Variants in EXOC6B observed in about 807,000 individuals in gnomAD.
EXOC6B encodes the protein SEC15 homolog B.
In EXOC6B, 54 loss-of-function variants were observed where a neutral mutation model predicts 113.5. The observed-to-expected ratio is 0.48, with a 90% CI of 0.38 to 0.60. The LOEUF is 0.60. EXOC6B is among the 20% of genes least tolerant of loss of function. EXOC6B has a pLI of 0.00. For missense variants in EXOC6B, 797 were observed against 977.5 expected (o/e 0.82, Z 2.46); for synonymous variants, 357 against 339.0 (o/e 1.05, Z -0.58).
At chr2:72,551,546 C>A (rs1231747968) in intron 8 of EXOC6B, among the ~76,000 whole-genome samples, 1 of 149,628 alleles carries the variant, frequency 6.7e-6, no homozygotes. Flanking sequence ...GCTCTGTCCC[C>A]CAGGCTGGAG....
chr2:72,450,588 T>C (rs1297079849), intron 18 of EXOC6B, among the ~76,000 whole-genome samples: 2 of 152,244 alleles, frequency 1.3e-5, no homozygotes, highest in Non-Finnish European at 2.9e-5. Flanking sequence ...TAGGTAGTGA[T>C]GTTTTTTAAT....
At chr2:72,360,432 A>G (rs1469314942) in intron 19 of EXOC6B, among the ~76,000 whole-genome samples, 1 of 152,166 alleles carries the variant, frequency 6.6e-6, no homozygotes, top group African/African-American at 2.4e-5. Context: ...CCCAGGATGG[A>G]AAGCCAACAG....
At chr2:72,701,851 C>T (rs1019323185) in intron 6 of EXOC6B, among the ~76,000 whole-genome samples, 1 of 151,972 alleles carries the variant, frequency 6.6e-6, no homozygotes, top group African/African-American at 2.4e-5. Context: ...GAATGTTCTA[C>T]TTCCCTTCCA....
intron 20 of EXOC6B, among the ~76,000 whole-genome samples, chr2:72,197,327 C>A (rs1306829129): frequency 6.6e-6 from 1 of 152,148 alleles, no homozygotes; most frequent in Non-Finnish European, 1.5e-5. Context: ...CCATGACAAT[C>A]TGACTCCCAA....
chr2:72,526,634 C>G (rs1369846006), intron 8 of EXOC6B, among the ~76,000 whole-genome samples: 1 of 151,804 alleles, frequency 6.6e-6, no homozygotes. Context: ...AGAAACTGTA[C>G]AGAAACTGAC....
Position 72,825,083 on chromosome 2 carries a change from T to G in EXOC6B, c.113+715A>C, listed in dbSNP as rs1438642810. On this transcript the variant is annotated intron_variant, in intron 1 of 21. Transcript: ENST00000272427. This position sits in a 1 kb window ranked among gnomAD's most constrained non-coding sequence, Gnocchi z 4.4. ...TTATGTAACAAGTGCTACCTAAATT[T>G]GTTAAATAAGTTGAGGTAAGTAGGG... Among the ~76,000 whole-genome samples, 2 of 152,180 alleles carry G rather than the reference T, an allele frequency of 1.3e-5. No individual in the cohort carries two copies. Among genetic ancestry groups the G allele is most frequent in the Non-Finnish European group, 2.9e-5 (2 of 68,036 alleles).
At position 72,346,335 on chromosome 2, in the gene EXOC6B, T is replaced by C. The variant is rs373195139; in HGVS notation, c.2123-11315A>G. Among the ~76,000 whole-genome samples, 22 of 152,286 alleles carry C rather than the reference T, an allele frequency of 1.4e-4. 2 individuals are homozygous for C. Among genetic ancestry groups the C allele is most frequent in the African/African-American group, 4.6e-4 (19 of 41,590 alleles). On this transcript the variant is annotated intron_variant, in intron 19 of 21. Coordinates refer to ENST00000272427, the MANE Select transcript of EXOC6B (RefSeq NM_015189.3). ...AGGCAGATCAATCTCCATCTGGCTG[T>C]ACCATGTGCATTGAGAAGAAATGAG...
In EXOC6B at chr2:72,751,461, T is replaced by A. The variant is rs962769870; in HGVS notation, c.114-9992A>T. ...CAGATGAAGCCGCCAAGTAGCAGGCTGCAGAGAGAATAGACTGTAAATGTT... is the reference window on the plus strand; with the variant it reads ...CAGATGAAGCCGCCAAGTAGCAGGCAGCAGAGAGAATAGACTGTAAATGTT... On this transcript the variant is annotated intron_variant, in intron 1 of 21. Coordinates refer to ENST00000272427, the MANE Select transcript of EXOC6B (RefSeq NM_015189.3). Among the ~76,000 whole-genome samples the A allele has an allele frequency of 7.9e-5, 12 of 152,262 alleles. No homozygotes were observed. The South Asian group carries it at 1.0e-3, about 13-fold the overall frequency.
chr2:72,557,201 A>G (rs1439501702), intron 8 of EXOC6B, among the ~76,000 whole-genome samples: 4 of 147,046 alleles, frequency 2.7e-5, no homozygotes, highest in Non-Finnish European at 4.5e-5. Flanking sequence ...TATTACATAT[A>G]TTAGTGTTAT....
At chr2:72,779,521 C>G (rs547654963) in intron 1 of EXOC6B, among the ~76,000 whole-genome samples, 3 of 151,950 alleles carry the variant, frequency 2.0e-5, no homozygotes, top group African/African-American at 7.3e-5. Flanking sequence ...AGTTTTGCTC[C>G]GCTTTAAGTT....
At chr2:72,654,056 AC>A (rs1553460872) in intron 6 of EXOC6B, among the ~76,000 whole-genome samples, 2 of 148,006 alleles carry the variant, frequency 1.4e-5, no homozygotes, top group African/African-American at 2.5e-5. Flanking sequence ...TGCAAGCTCC[AC>A]CTCCTGGGTT....
chr2:72,410,245 T>C (rs1357164112), intron 18 of EXOC6B, among the ~76,000 whole-genome samples: 1 of 152,194 alleles, frequency 6.6e-6, no homozygotes, highest in Admixed American at 6.5e-5. Context: ...ATATCACAAA[T>C]TATATGTCAT....
At chr2:72,586,039 G>A (rs1307225851) in intron 6 of EXOC6B, among the ~76,000 whole-genome samples, 1 of 152,126 alleles carries the variant, frequency 6.6e-6, no homozygotes, top group Non-Finnish European at 1.5e-5. Flanking sequence ...GGATAACTGT[G>A]TAGGTATATA....
intron 19 of EXOC6B, among the ~76,000 whole-genome samples, chr2:72,365,040 G>A (rs1690535422): frequency 6.6e-6 from 1 of 152,102 alleles, no homozygotes; most frequent in Admixed American, 6.6e-5. Context: ...AGAGGAATGT[G>A]AAACAACTTT....
At chr2:72,307,636 A>G (rs1218636048) in intron 20 of EXOC6B, among the ~76,000 whole-genome samples, 1 of 152,182 alleles carries the variant, frequency 6.6e-6, no homozygotes, top group Non-Finnish European at 1.5e-5. Context: ...TTTATTCAAA[A>G]TTACTTATTC....
intron 1 of EXOC6B, among the ~76,000 whole-genome samples, chr2:72,815,919 G>C (rs931138855): frequency 6.6e-6 from 1 of 152,224 alleles, no homozygotes; most frequent in African/African-American, 2.4e-5. Flanking sequence ...AGTACTTTGG[G>C]AGGCCAAGGC....
chr2:72,261,223 G>A (rs995384177), intron 20 of EXOC6B, among the ~76,000 whole-genome samples: 111 of 152,316 alleles, frequency 7.3e-4, no homozygotes, highest in African/African-American at 2.6e-3. Flanking sequence ...AGTGGCAGAT[G>A]TGCTTGGAGG....
intron 18 of EXOC6B, among the ~76,000 whole-genome samples, chr2:72,447,533 C>A (rs973033248): frequency 1.5e-4 from 23 of 152,152 alleles, no homozygotes; most frequent in African/African-American, 5.6e-4. Flanking sequence ...ATATTGACAT[C>A]ATTTCTAAAT....
chr2:72,321,876 A>G (rs1482205304), intron 20 of EXOC6B, among the ~76,000 whole-genome samples: 1 of 152,210 alleles, frequency 6.6e-6, no homozygotes, highest in African/African-American at 2.4e-5. Flanking sequence ...GAATTTACTG[A>G]AGGTAAATTA....
Sources: allele counts gnomAD v4.1 joint callset (sites outside exome capture counted in the v4.1 genomes callset), GRCh38; gene constraint gnomAD v4.1.1; non-coding constraint Gnocchi (gnomAD v3.1); transcripts MANE v1.5; gene names NCBI Gene and HGNC (gene_info 2026-07-23, HGNC 2026-07-21).